SLC36A1: variants seen among roughly 807,000 people sequenced by gnomAD.
SLC36A1 encodes the protein proton-coupled amino acid transporter 1.
Under a neutral mutation model 47.5 loss-of-function variants are expected in SLC36A1, and 30 were observed. The observed-to-expected ratio is 0.63, with a 90% confidence interval of 0.47 to 0.86. The LOEUF (loss-of-function observed/expected upper bound fraction) is 0.86. Ranked by LOEUF, SLC36A1 falls within the 40% of genes least tolerant of loss-of-function variation. The pLI is 0.00. For synonymous variants in SLC36A1, 255 were observed against 249.7 expected (o/e 1.02, Z -0.20); for missense variants, 517 against 606.0 (o/e 0.85, Z 1.54).
the SLC36A1 span, among the ~76,000 whole-genome samples, chr5:151,429,799 T>C: frequency 1.3e-5 from 2 of 152,182 alleles, no homozygotes; most frequent in African/African-American, 4.8e-5. Flanking sequence ...TTTTTCCTAC[T>C]ACAGCCAATG....
the SLC36A1 span, chr5:151,542,921 T>C: frequency 2.4e-4 from 386 of 1,614,224 alleles, 4 homozygotes; most frequent in South Asian, 4.0e-3. Flanking sequence ...ACACCATCCT[T>C]GTTGCTCTCA....
At chr5:151,440,043 GCGAAGAA>G in intron 1 of SLC36A1, among the ~76,000 whole-genome samples, 1 of 152,328 alleles carries the variant, frequency 6.6e-6, no homozygotes, top group Middle Eastern at 3.4e-3. Flanking sequence ...TTATACTACA[GCGAAGAA>G]TTACCCAGAC....
At chr5:151,370,763 C>T in the SLC36A1 span, among the ~76,000 whole-genome samples, 10 of 152,202 alleles carry the variant, frequency 6.6e-5, no homozygotes, top group South Asian at 2.1e-4. Flanking sequence ...GAAGCTGAGG[C>T]GGGCGGATCT....
the SLC36A1 span, chr5:151,380,671 C>A: frequency 1.8e-6 from 1 of 552,300 alleles, no homozygotes; most frequent in South Asian, 1.4e-5. Context: ...AGTCAAAGAT[C>A]AGTTGGTTGA....
the SLC36A1 span, among the ~76,000 whole-genome samples, chr5:151,409,230 G>C: frequency 6.6e-6 from 1 of 151,964 alleles, no homozygotes; most frequent in African/African-American, 2.4e-5. Flanking sequence ...GAACTCCTGG[G>C]CTCAAATGAT....
the SLC36A1 span, among the ~76,000 whole-genome samples, chr5:151,361,958 T>G: frequency 6.6e-6 from 1 of 152,222 alleles, no homozygotes; most frequent in African/African-American, 2.4e-5. Context: ...CTGAAGCTCC[T>G]TTATACATTG....
At chr5:151,492,541 G>T (rs165324), downstream of SLC36A1, among the ~76,000 whole-genome samples, 1 of 151,854 alleles carries the variant, frequency 6.6e-6, no homozygotes, top group South Asian at 2.1e-4. Flanking sequence ...CAAGAAGAAA[G>T]GGACTAGGAA....
chr5:151,351,361 A>T, the SLC36A1 span, among the ~76,000 whole-genome samples: 1 of 151,996 alleles, frequency 6.6e-6, no homozygotes, highest in East Asian at 1.9e-4. Flanking sequence ...CAGCCTGGGC[A>T]AAAAGAGTGA....
At chr5:151,484,798 T>C (rs1215935651) in intron 10 of SLC36A1, among the ~76,000 whole-genome samples, 2 of 152,184 alleles carry the variant, frequency 1.3e-5, no homozygotes, top group East Asian at 3.8e-4. Flanking sequence ...TTTAGGTAAC[T>C]AGCCACTGAG....
the SLC36A1 span, among the ~76,000 whole-genome samples, chr5:151,394,419 C>T: frequency 1.3e-3 from 196 of 152,372 alleles, 1 homozygote; most frequent in Non-Finnish European, 2.2e-3. Flanking sequence ...AGTCATTCTC[C>T]GTCCAGCTTT....
intron 5 of SLC36A1, among the ~76,000 whole-genome samples, 165 bp downstream of exon 5, chr5:151,465,334 G>A (rs954219598): frequency 6.6e-6 from 1 of 152,202 alleles, no homozygotes; most frequent in East Asian, 1.9e-4. Flanking sequence ...GTGACCTGGG[G>A]CTGGGTAACC....
the SLC36A1 span, among the ~76,000 whole-genome samples, chr5:151,407,658 G>A: frequency 6.6e-6 from 1 of 152,188 alleles, no homozygotes; most frequent in Non-Finnish European, 1.5e-5. Context: ...GGCCACACAA[G>A]CATTTAAACC....
At chr5:151,528,283 CTT>C in the SLC36A1 span, 9 of 849,656 alleles carry the variant, frequency 1.1e-5, no homozygotes, top group Admixed American at 2.7e-5. Context: ...AATCTCTTCA[CTT>C]ACATCCTCGT....
At chr5:151,449,458 C>G (rs73796585) in intron 1 of SLC36A1, among the ~76,000 whole-genome samples, 44 of 152,308 alleles carry the variant, frequency 2.9e-4, no homozygotes, top group African/African-American at 1.0e-3. Context: ...AGCTTTAAGC[C>G]TCTCCCTTTG....
intron 10 of SLC36A1, among the ~76,000 whole-genome samples, chr5:151,486,474 T>C (rs1759565624): frequency 6.6e-6 from 1 of 152,238 alleles, no homozygotes. Flanking sequence ...AAAAATCAAC[T>C]TTAGACATTT....
chr5:151,429,303 T>C, the SLC36A1 span, among the ~76,000 whole-genome samples: 1 of 151,264 alleles, frequency 6.6e-6, no homozygotes, highest in Non-Finnish European at 1.5e-5. Context: ...ACCCATTAAA[T>C]TGTCATTTAG....
chr5:151,454,743 C>T (rs917275304), intron 1 of SLC36A1, among the ~76,000 whole-genome samples: 6 of 125,304 alleles, frequency 4.8e-5, no homozygotes, highest in African/African-American at 1.3e-4. Flanking sequence ...GACGGAGTCT[C>T]GCTCTGTCGC....
At chr5:151,346,044 G>A in the SLC36A1 span, among the ~76,000 whole-genome samples, 1 of 152,276 alleles carries the variant, frequency 6.6e-6, no homozygotes, top group Non-Finnish European at 1.5e-5. Context: ...CGCTTACTCA[G>A]CCCGTTATTT....
At chr5:151,550,427 A>G in the SLC36A1 span, among the ~76,000 whole-genome samples, 1 of 152,136 alleles carries the variant, frequency 6.6e-6, no homozygotes, top group Admixed American at 6.5e-5. Flanking sequence ...ACTTCCAGGC[A>G]TCCCTTATGG....
Sources: allele counts gnomAD v4.1 joint callset (sites outside exome capture counted in the v4.1 genomes callset), GRCh38; gene constraint gnomAD v4.1.1; transcripts MANE v1.5; gene names NCBI Gene and HGNC (gene_info 2026-07-23, HGNC 2026-07-21).